The following MAP3K13 variants were observed in gnomAD, a reference collection of about 807,000 sequenced individuals.
MAP3K13 encodes the protein mitogen-activated protein kinase kinase kinase 13, also known as leucine zipper-bearing kinase.
Under a neutral mutation model 104.0 loss-of-function variants are expected in MAP3K13, and 52 were observed. That is an observed-to-expected ratio of 0.50 (90% CI 0.40 to 0.63). The LOEUF (loss-of-function observed/expected upper bound fraction) is 0.63. Ranked by LOEUF, MAP3K13 falls within the 20% of genes least tolerant of loss-of-function variation. The pLI is 0.00. For synonymous variants in MAP3K13, 394 were observed against 442.2 expected, an observed-to-expected ratio of 0.89 and a Z score of 1.37; for missense variants, 914 against 1,218.5, an observed-to-expected ratio of 0.75 and a Z score of 3.72.
At chr3:185,448,164 A>G in intron 5 of MAP3K13, 2 of 686,340 alleles carry the variant, frequency 2.9e-6, no homozygotes, top group Admixed American at 2.1e-5. Flanking sequence ...TCAGTAAGTC[A>G]CCAGTTTGGG....
chr3:185,418,483 C>T lies in MAP3K13; in HGVS notation c.-85-10014C>T, dbSNP rs1713928338. ...GGTTTTGGTTGGTGCAAACCTTCGGCCTCCACGACACATGTTTCCAAAAGC... is the reference window on the plus strand; with the variant it reads ...GGTTTTGGTTGGTGCAAACCTTCGGTCTCCACGACACATGTTTCCAAAAGC... On this transcript the variant is annotated intron_variant, in intron 1 of 13. Coordinates refer to ENST00000265026, the MANE Select transcript of MAP3K13 (RefSeq NM_004721.5). The surrounding 1 kb of genome is among the most constrained non-coding windows in gnomAD (Gnocchi z 4.5). 3 of 1,611,814 alleles carry T rather than the reference C, an allele frequency of 1.9e-6. No individual in the cohort carries two copies. The Middle Eastern group carries it at 6.8e-4, about 363-fold the overall frequency.
chr3:185,483,462 A>T lies in MAP3K13; in HGVS notation c.*1006A>T, dbSNP rs1380594505. ...GAGAAAAGGGTGAGAGAGGAAGAACATCTACAGTGGTGTTAGGAAAACGAA... is the reference window on the plus strand; with the variant it reads ...GAGAAAAGGGTGAGAGAGGAAGAACTTCTACAGTGGTGTTAGGAAAACGAA... On this transcript the variant is annotated 3_prime_UTR_variant, in exon 14 of 14. Coordinates refer to ENST00000265026, the MANE Select transcript of MAP3K13 (RefSeq NM_004721.5). 1 of 230,688 alleles carries T rather than the reference A, an allele frequency of 4.3e-6. No individual in the cohort carries two copies. Among genetic ancestry groups the T allele is most frequent in the Non-Finnish European group, 8.6e-6 (1 of 116,554 alleles). 14.3% of individuals were successfully genotyped at this position (230,688 alleles called of 1,614,324 possible).
chr3:185,455,389 T>TG (rs1274206492), intron 7 of MAP3K13, among the ~76,000 whole-genome samples: 15 of 98,056 alleles, frequency 1.5e-4, no homozygotes, highest in African/African-American at 3.8e-4. Context: ...ATGATATATA[T>TG]ATCATATATG....
chr3:185,289,036 G>A (rs1474045517), intron 2 of MAP3K13, among the ~76,000 whole-genome samples: 1 of 152,140 alleles, frequency 6.6e-6, no homozygotes, highest in African/African-American at 2.4e-5. Context: ...TCCTATAAAA[G>A]GGTAATTGTG....
At chr3:185,455,467 G>T (rs1169412250) in intron 7 of MAP3K13, among the ~76,000 whole-genome samples, 1 of 98,938 alleles carries the variant, frequency 1.0e-5, no homozygotes, top group East Asian at 2.5e-4. Flanking sequence ...ATATATATGA[G>T]ATATATACAT....
At chr3:185,299,262 T>C (rs907114464) in intron 2 of MAP3K13, among the ~76,000 whole-genome samples, 1 of 152,134 alleles carries the variant, frequency 6.6e-6, no homozygotes, top group African/African-American at 2.4e-5. Flanking sequence ...TGGCAGAGCA[T>C]AGGAGGAAGA....
Position 185,450,176 on chromosome 3 carries a change from C to A in MAP3K13, c.1169+118C>A. On this transcript the variant is annotated intron_variant, in intron 6 of 13. Transcript: ENST00000265026. This position sits in a 1 kb window ranked among gnomAD's most constrained non-coding sequence, Gnocchi z 4.2. ...GGAGAATCTTGGGTTCAAATACTAGCTCTGCCCCTTTCTATCTGTGCAATT... is the reference window on the plus strand; with the variant it reads ...GGAGAATCTTGGGTTCAAATACTAGATCTGCCCCTTTCTATCTGTGCAATT... 1 of 885,646 alleles carries A rather than the reference C, an allele frequency of 1.1e-6. No individual in the cohort carries two copies. Among genetic ancestry groups the A allele is most frequent in the Non-Finnish European group, 1.6e-6 (1 of 624,694 alleles). The allele number at this position is 885,646 out of a possible 1,614,324, so 54.9% of individuals were successfully genotyped here.
At chr3:185,477,876 C>T (rs1016655619) in intron 12 of MAP3K13, among the ~76,000 whole-genome samples, 1 of 152,182 alleles carries the variant, frequency 6.6e-6, no homozygotes, top group Non-Finnish European at 1.5e-5. Context: ...TGCAGACAGC[C>T]ACCTTCTTGC....
chr3:185,445,424 T>C (rs1232459786), intron 4 of MAP3K13, among the ~76,000 whole-genome samples: 1 of 152,242 alleles, frequency 6.6e-6, no homozygotes, highest in East Asian at 1.9e-4. Flanking sequence ...AACATGATTG[T>C]GTAGTGTTCA....
chr3:185,379,064 C>T (rs555535770), intron 1 of MAP3K13, among the ~76,000 whole-genome samples: 11 of 152,190 alleles, frequency 7.2e-5, no homozygotes, highest in East Asian at 5.8e-4. Context: ...GGTAGAGACA[C>T]GGAGAAAGGG....
At chr3:185,334,918 A>C (rs9833216) in intron 2 of MAP3K13, among the ~76,000 whole-genome samples, 116,034 of 152,022 alleles carry the variant, frequency 0.76, 45,016 homozygotes, top group Middle Eastern at 0.84. Context: ...CAACAAATGG[A>C]TTTTCTTATA....
At chr3:185,382,731 G>A (rs976124272) in intron 1 of MAP3K13, among the ~76,000 whole-genome samples, 5 of 152,100 alleles carry the variant, frequency 3.3e-5, no homozygotes, top group Admixed American at 6.5e-5. Context: ...CCGGCCGGGC[G>A]CGGTGGCTCA....
At chr3:185,390,526 T>C (rs1314039195) in intron 1 of MAP3K13, among the ~76,000 whole-genome samples, 2 of 152,180 alleles carry the variant, frequency 1.3e-5, no homozygotes, top group Non-Finnish European at 2.9e-5. Context: ...GAATAGTTTA[T>C]TGTTACTCAT....
Position 185,487,706 on chromosome 3 carries a change from T to C in MAP3K13, c.*5250T>C, listed in dbSNP as rs1413034048. 6.6e-6 allele frequency: 1 copy of C among 152,174 alleles called. No individual in the cohort carries two copies. The highest frequency in any genetic ancestry group is 1.5e-5 in the Non-Finnish European group (1 of 68,042). The allele number at this position is 152,174 out of a possible 1,614,324, so 9.4% of individuals were successfully genotyped here. On this transcript the variant is annotated 3_prime_UTR_variant, in exon 14 of 14. Transcript: ENST00000265026. ...TGCAGTAGAGTGTGCTATGTTTTGTTTTCCCACTGAGCCAGAAGCCGAAAT... is the reference window on the plus strand; with the variant it reads ...TGCAGTAGAGTGTGCTATGTTTTGTCTTCCCACTGAGCCAGAAGCCGAAAT...
rs1307930644 is a variant in MAP3K13, at chr3:185,480,295, G to C, written c.2565G>C (p.Val855=). 1 of 1,614,196 alleles carries C rather than the reference G, an allele frequency of 6.2e-7. No homozygotes were observed. The highest frequency in any genetic ancestry group is 1.7e-5 in the Admixed American group (1 of 60,022). Residue 855 remains valine, a synonymous_variant, in exon 13 of 14, where the codon GTG becomes GTC. Coordinates refer to ENST00000265026, the MANE Select transcript of MAP3K13 (RefSeq NM_004721.5). The stretch of plus-strand genomic sequence containing the variant: ...CCTTTAGCTCTGAGAATTTCTCTGT[G>C]TCTGATGGAGAAGAGGGAAATACCA... The part of the protein sequence containing the change: ...YSTFSSENFS[V]SDGEEGNTSD...
chr3:185,455,737 A>ATATATATAT (rs1276369335), intron 7 of MAP3K13, among the ~76,000 whole-genome samples: 7 of 27,612 alleles, frequency 2.5e-4, no homozygotes, highest in African/African-American at 6.8e-4. Context: ...TATATATATG[A>ATATATATAT]GATATATATA....
intron 1 of MAP3K13, among the ~76,000 whole-genome samples, chr3:185,412,816 A>T (rs1054097479): frequency 2.0e-5 from 3 of 152,172 alleles, no homozygotes; most frequent in African/African-American, 7.2e-5. Flanking sequence ...TGTCCTGGTT[A>T]TCTGTAATAC....
intron 1 of MAP3K13, among the ~76,000 whole-genome samples, chr3:185,378,823 A>G (rs1448314390): frequency 2.6e-5 from 4 of 152,154 alleles, no homozygotes; most frequent in Non-Finnish European, 5.9e-5. Flanking sequence ...GACAAAAATT[A>G]TCTAGGTCTT....
intron 2 of MAP3K13, among the ~76,000 whole-genome samples, chr3:185,348,780 G>A (rs1175283987): frequency 6.6e-6 from 1 of 152,164 alleles, no homozygotes; most frequent in African/African-American, 2.4e-5. Context: ...AGCTGGGCGT[G>A]GTGGCGGGCG....
Sources: gnomAD v4.1 joint callset for allele counts (sites outside exome capture counted in the v4.1 genomes callset) on GRCh38, gnomAD v4.1.1 for gene constraint, Gnocchi (gnomAD v3.1) non-coding constraint, MANE v1.5 for transcripts, NCBI Gene and HGNC (gene_info 2026-07-23, HGNC 2026-07-21) for gene names.